ARFGEF2: variants seen among roughly 807,000 people sequenced by gnomAD.
ARFGEF2 encodes the protein ARF guanine nucleotide exchange factor 2, also known as brefeldin A-inhibited guanine nucleotide-exchange protein 2.
ARFGEF2 carries 74 observed loss-of-function variants against 219.9 expected under a neutral mutation model. The observed-to-expected ratio is 0.34, with a 90% CI of 0.28 to 0.41. The LOEUF is 0.41. Ranked by LOEUF, ARFGEF2 falls within the 10% of genes least tolerant of loss-of-function variation. ARFGEF2 has a pLI of 1.00. For missense variants in ARFGEF2, 1,743 were observed against 2,218.3 expected (o/e 0.79, Z 4.30); for synonymous variants, 733 against 799.2 (o/e 0.92, Z 1.40).
Position 49,036,239 on chromosome 20 carries a change from GTT to G in ARFGEF2, c.*3043_*3044del, listed in dbSNP as rs2091665421. ...AGCTGAACTCACATGGAATCCTGGAGTTTTGTTATCAGCAGCTTTGCAGTTTG... is the reference window on the plus strand; with the variant it reads ...AGCTGAACTCACATGGAATCCTGGAGTTGTTATCAGCAGCTTTGCAGTTTG... On this transcript the variant is annotated 3_prime_UTR_variant, in exon 39 of 39. Coordinates refer to ENST00000371917, the MANE Select transcript of ARFGEF2 (RefSeq NM_006420.3). The G allele has an allele frequency of 2.3e-5, 9 of 398,176 alleles. No individual in the cohort carries two copies. In the East Asian group the frequency reaches 3.2e-4, roughly 14 times the overall value. The allele number at this position is 398,176 out of a possible 1,614,324, so 24.7% of individuals were successfully genotyped here. A position where few individuals can be genotyped will look rare whatever the true frequency, so the allele number is the denominator to read the frequency against.
At chr20:49,002,493 C>T (rs898898222) in intron 25 of ARFGEF2, among the ~76,000 whole-genome samples, 9 of 152,228 alleles carry the variant, frequency 5.9e-5, no homozygotes, top group African/African-American at 2.2e-4. Flanking sequence ...TAAGTAGAAT[C>T]ATGCTGTGTT....
rs1290935958 is a variant in ARFGEF2 at position 48,989,231 on chromosome 20, T to C, written c.2534-54T>C. On this transcript the variant is annotated intron_variant, in intron 18 of 38. Coordinates refer to ENST00000371917, the MANE Select transcript of ARFGEF2 (RefSeq NM_006420.3). The stretch of plus-strand genomic sequence containing the variant: ...GCATCTTTTGAAACAGTGTATGGCA[T>C]GTAGCCAGCCCTCAGTGACTGCTAG... 10 of 1,604,040 alleles carry C rather than the reference T, an allele frequency of 6.2e-6. No homozygotes were observed. The East Asian group carries it at 1.3e-4, about 21-fold the overall frequency.
At chr20:49,024,994 A>AAAG (rs1568744504) in intron 35 of ARFGEF2, among the ~76,000 whole-genome samples, 1 of 151,912 alleles carries the variant, frequency 6.6e-6, no homozygotes, top group African/African-American at 2.4e-5. Flanking sequence ...TCTTGTCTCA[A>AAAG]AATAATAATA....
chr20:48,964,008 G>A, intron 7 of ARFGEF2, 110 bp downstream of exon 7: 1 of 983,092 alleles, frequency 1.0e-6, no homozygotes, highest in Non-Finnish European at 1.6e-6. Flanking sequence ...AGAACTGGTG[G>A]AGCTCATGGA....
At chr20:48,957,064 A>G (rs949678708) in intron 6 of ARFGEF2, among the ~76,000 whole-genome samples, 5 of 152,024 alleles carry the variant, frequency 3.3e-5, no homozygotes, top group Admixed American at 3.3e-4. Flanking sequence ...TTTCCCCGTT[A>G]TTCTTAGCAT....
intron 22 of ARFGEF2, among the ~76,000 whole-genome samples, chr20:48,995,222 G>T (rs932235469): frequency 6.6e-6 from 1 of 152,184 alleles, no homozygotes; most frequent in Admixed American, 6.5e-5. Context: ...GATATGAGCA[G>T]CATCATACTG....
chr20:48,988,520 T>C lies in ARFGEF2; in HGVS notation c.2391T>C (p.Tyr797=), dbSNP rs2091339226. ...AAAATAAAATGACGAAAGAGCAGTA[T>C]ATTAAAATGAATCGGGGTATCAATG... ...QVKNKMTKEQ[Y]IKMNRGINDS... is the part of the protein sequence containing the mutation. The change falls in exon 18 of 39, where the codon TAT becomes TAC. Residue 797 remains tyrosine, a synonymous_variant. Transcript: ENST00000371917. 1 of 1,613,360 alleles carries C rather than the reference T, an allele frequency of 6.2e-7. No homozygotes were observed. The highest frequency in any genetic ancestry group is 1.3e-5 in the African/African-American group (1 of 74,890).
intron 16 of ARFGEF2, among the ~76,000 whole-genome samples, chr20:48,986,974 G>T (rs2091330070): frequency 6.6e-6 from 1 of 152,170 alleles, no homozygotes; most frequent in African/African-American, 2.4e-5. Flanking sequence ...CAAAGTGGGG[G>T]ATTTACAAAT....
At chr20:49,019,253 T>A (rs1194669592) in intron 34 of ARFGEF2, among the ~76,000 whole-genome samples, 1 of 152,334 alleles carries the variant, frequency 6.6e-6, no homozygotes, top group African/African-American at 2.4e-5. Flanking sequence ...CTTTTACCAG[T>A]TATGGAATAG....
At chr20:48,974,118 A>ATTTTTTTTTTTTTTTTTTTTTTTTTTTT (rs57941437) in intron 12 of ARFGEF2, among the ~76,000 whole-genome samples, 1 of 70,066 alleles carries the variant, frequency 1.4e-5, no homozygotes, top group African/African-American at 5.8e-5. Flanking sequence ...TTGAGTGTGA[A>ATTTTTTTTTTTTTTTTTTTTTTTTTTTT]TTTTTTTTTT....
At chr20:48,963,175 CA>C (rs71337478) in intron 6 of ARFGEF2, among the ~76,000 whole-genome samples, 151 of 110,680 alleles carry the variant, frequency 1.4e-3, no homozygotes, top group Admixed American at 1.4e-3. Context: ...AACTCTGTCT[CA>C]AAAAAAAAAA....
At chr20:48,960,246 G>A (rs542065878) in intron 6 of ARFGEF2, among the ~76,000 whole-genome samples, 4 of 152,220 alleles carry the variant, frequency 2.6e-5, no homozygotes, top group East Asian at 1.9e-4. Flanking sequence ...AATACTGTAC[G>A]CTTTGGTAAC....
At chr20:48,990,277 G>C (rs1228821103) in intron 20 of ARFGEF2, among the ~76,000 whole-genome samples, 1 of 152,108 alleles carries the variant, frequency 6.6e-6, no homozygotes, top group South Asian at 2.1e-4. Flanking sequence ...TGCCTGCTTT[G>C]GTGCTTAAAA....
At chr20:48,991,319 A>G in intron 21 of ARFGEF2, 121 bp downstream of exon 21, 1 of 1,388,642 alleles carries the variant, frequency 7.2e-7, no homozygotes, top group Non-Finnish European at 1.0e-6. Context: ...TACCTCATGT[A>G]TCTGGAAGTC....
At chr20:49,014,242 G>A (rs2091517522) in intron 30 of ARFGEF2, among the ~76,000 whole-genome samples, 2 of 151,950 alleles carry the variant, frequency 1.3e-5, no homozygotes, top group African/African-American at 4.8e-5. Flanking sequence ...CTCCTGACTG[G>A]TCGTTGTAGT....
chr20:48,969,166 A>G lies in ARFGEF2; in HGVS notation c.1079A>G (p.His360Arg). ...TCCTAGGAATCGGATGCACAAGGAC[A>G]TCAAGTGGCTGCCAGGTTCTCCCAC... Reference protein sequence around the residue: ...ADNLESDAQGHQVAARFSHVL... With the variant: ...ADNLESDAQGRQVAARFSHVL... The change falls in exon 9 of 39, where the codon CAT becomes CGT. Residue 360 changes from histidine (H) to arginine (R), a missense_variant. By Grantham distance (29) the His-to-Arg change is conservative. Transcript: ENST00000371917. 6.2e-7 allele frequency: 1 copy of G among 1,614,126 alleles called. No homozygotes were observed. The highest frequency in any genetic ancestry group is 1.1e-5 in the South Asian group (1 of 91,086).
At chr20:48,928,029 G>A (rs2090888979) in intron 1 of ARFGEF2, among the ~76,000 whole-genome samples, 1 of 152,148 alleles carries the variant, frequency 6.6e-6, no homozygotes, top group Non-Finnish European at 1.5e-5. Context: ...TGATAGTCCA[G>A]TGATCCCTCT....
At chr20:48,977,495 A>G (rs2091269454) in intron 14 of ARFGEF2, among the ~76,000 whole-genome samples, 1 of 152,182 alleles carries the variant, frequency 6.6e-6, no homozygotes, top group African/African-American at 2.4e-5. Flanking sequence ...TATACCCAGT[A>G]ATGGGATCGC....
At chr20:48,938,264 C>T (rs866179765) in intron 1 of ARFGEF2, among the ~76,000 whole-genome samples, 43 of 152,180 alleles carry the variant, frequency 2.8e-4, no homozygotes, top group African/African-American at 9.2e-4. Context: ...GTCCTCATAG[C>T]ACTGATCACA....
Sources: gnomAD v4.1 joint callset for allele counts (sites outside exome capture counted in the v4.1 genomes callset) on GRCh38, gnomAD v4.1.1 for gene constraint, MANE v1.5 for transcripts, NCBI Gene and HGNC (gene_info 2026-07-23, HGNC 2026-07-21) for gene names.